Variants in CRB1 observed in about 807,000 individuals in gnomAD.
The protein encoded by CRB1 is protein crumbs homolog 1.
In CRB1, 83 loss-of-function variants were observed where a neutral mutation model predicts 120.0. That is an observed-to-expected ratio of 0.69 (90% CI 0.58 to 0.83). The LOEUF (loss-of-function observed/expected upper bound fraction) is 0.83, where lower values mean the gene tolerates loss of function less well. Among genes scored for constraint, CRB1 ranks in the 40% least tolerant of loss-of-function variants. The pLI is 0.00. For synonymous variants in CRB1, 625 were observed against 612.5 expected, an observed-to-expected ratio of 1.02 and a Z score of -0.30; for missense variants, 1,699 against 1,687.6, an observed-to-expected ratio of 1.01 and a Z score of -0.12.
At chr1:197,389,187 A>T (rs1239022047) in intron 5 of CRB1, among the ~76,000 whole-genome samples, 2 of 152,128 alleles carry the variant, frequency 1.3e-5, no homozygotes, top group East Asian at 3.9e-4. Flanking sequence ...TTACCACATG[A>T]TTCCACAATT....
chr1:197,302,174 C>A (rs188794954), intron 1 of CRB1, among the ~76,000 whole-genome samples: 12 of 152,306 alleles, frequency 7.9e-5, no homozygotes, highest in Admixed American at 7.8e-4. Context: ...CTTCAGCAAC[C>A]ATCACCCTGA....
intron 5 of CRB1, among the ~76,000 whole-genome samples, chr1:197,378,267 A>C (rs1661752616): frequency 6.6e-6 from 1 of 152,206 alleles, no homozygotes; most frequent in Admixed American, 6.5e-5. Context: ...GATTTTTCAA[A>C]TTCGATCAAA....
In CRB1 at chr1:197,427,547, T is replaced by C. The variant is rs62636267; in HGVS notation, c.2222T>C (p.Met741Thr). 8 of 1,614,040 alleles carry C rather than the reference T, an allele frequency of 5.0e-6. No individual in the cohort carries two copies. Among genetic ancestry groups the C allele is most frequent in the Non-Finnish European group, 6.8e-6 (8 of 1,179,988 alleles). Reference sequence around the variant, plus strand: ...TATGGAGACACCATCAGCCTCTCCATGTTTGTCCGAACGCTTCAACCATCA... The same window carrying C: ...TATGGAGACACCATCAGCCTCTCCACGTTTGTCCGAACGCTTCAACCATCA... ...ESYGDTISLSMFVRTLQPSGL... is the reference protein window; with the variant it reads ...ESYGDTISLSTFVRTLQPSGL... The change falls in exon 7 of 12, where the codon ATG becomes ACG. Residue 741 changes from methionine (M) to threonine (T), a missense_variant. Met to Thr is a moderately conservative substitution (Grantham distance 81). Coordinates refer to ENST00000367400, the MANE Select transcript of CRB1 (RefSeq NM_201253.3).
At chr1:197,445,468 A>G (rs1415311923) in intron 11 of CRB1, among the ~76,000 whole-genome samples, 1 of 152,222 alleles carries the variant, frequency 6.6e-6, no homozygotes, top group East Asian at 1.9e-4. Context: ...ACTCTATGCC[A>G]GGAACTGTGA....
upstream of CRB1, among the ~76,000 whole-genome samples, chr1:197,267,107 G>C (rs915368337): frequency 1.3e-5 from 2 of 152,120 alleles, no homozygotes; most frequent in African/African-American, 4.8e-5. Flanking sequence ...AGATGACTCT[G>C]GGCACACAGA....
At chr1:197,457,359 T>G (rs1223372363) in intron 11 of CRB1, among the ~76,000 whole-genome samples, 1 of 152,256 alleles carries the variant, frequency 6.6e-6, no homozygotes, top group South Asian at 2.1e-4. Flanking sequence ...ATTTTATTGA[T>G]GAGAACTCAA....
intron 5 of CRB1, chr1:197,360,361 C>A (rs1660708583): frequency 6.6e-6 from 1 of 152,290 alleles, no homozygotes. Flanking sequence ...TCTTCTGCTG[C>A]AGCATGAAAT....
chr1:197,258,180 T>C, the CRB1 span, among the ~76,000 whole-genome samples: 1 of 152,214 alleles, frequency 6.6e-6, no homozygotes, highest in Non-Finnish European at 1.5e-5. Flanking sequence ...TATAATTGGA[T>C]TTTTTGTAAC....
chr1:197,331,969 T>C lies in CRB1; in HGVS notation c.652+2966T>C, dbSNP rs147858242. 8.0e-4 allele frequency among the ~76,000 whole-genome samples: 121 copies of C among 152,156 alleles called. 1 individual carries two copies. The East Asian group carries it at 0.021, about 27-fold the overall frequency. On this transcript the variant is annotated intron_variant, in intron 2 of 11. Coordinates refer to ENST00000367400, the MANE Select transcript of CRB1 (RefSeq NM_201253.3). ...GCCGGCAGATCACGAGGTCAGGAGATGGATACCACACTGGCCAACATGGTG... is the reference window on the plus strand; with the variant it reads ...GCCGGCAGATCACGAGGTCAGGAGACGGATACCACACTGGCCAACATGGTG...
Position 197,442,234 on chromosome 1 carries a change from T to C in CRB1, c.3947T>C (p.Leu1316Pro). The C allele has an allele frequency of 6.2e-7, 1 of 1,614,188 alleles. No homozygotes were observed. The highest frequency in any genetic ancestry group is 1.7e-5 in the Admixed American group (1 of 60,026). ...CVNGGLCQDLLNKFQCLCDVA... is the reference protein window; with the variant it reads ...CVNGGLCQDLPNKFQCLCDVA... ...AATGGAGGTCTGTGCCAGGACTTAC[T>C]CAACAAATTCCAGTGCCTCTGTGAT... is the stretch of plus-strand genomic sequence containing the variant. The change falls in exon 11 of 12, where the codon CTC becomes CCC. Residue 1316 changes from leucine to proline, a missense_variant. By Grantham distance (98) the Leu-to-Pro change is moderately conservative. Transcript: ENST00000367400.
Position 197,268,256 on chromosome 1 carries a change from C to T in CRB1, c.-157C>T. The T allele has an allele frequency of 2.9e-6, 2 of 691,724 alleles. No individual in the cohort carries two copies. The highest frequency in any genetic ancestry group is 1.5e-5 in the South Asian group (1 of 64,824). The allele number at this position is 691,724 out of a possible 1,614,324, so 42.8% of individuals were successfully genotyped here. On this transcript the variant is annotated 5_prime_UTR_variant, in exon 1 of 12. Transcript: ENST00000367400. The stretch of plus-strand genomic sequence containing the variant: ...ACAAACTGCATTTTGAATCTAAGTC[C>T]CTGTATTTTCTGTGAAGGAGCTGTA...
chr1:197,358,775 A>G (rs957314040), intron 5 of CRB1, among the ~76,000 whole-genome samples: 1 of 142,632 alleles, frequency 7.0e-6, no homozygotes, highest in South Asian at 2.7e-4. Flanking sequence ...CAAGTAATGA[A>G]TATCTCTTTT....
At chr1:197,252,299 C>T in the CRB1 span, among the ~76,000 whole-genome samples, 1 of 150,682 alleles carries the variant, frequency 6.6e-6, no homozygotes, top group South Asian at 2.1e-4. Context: ...AACATAAAAA[C>T]CTATTCCATT....
At chr1:197,232,932 C>G in the CRB1 span, among the ~76,000 whole-genome samples, 2 of 151,982 alleles carry the variant, frequency 1.3e-5, no homozygotes, top group Non-Finnish European at 2.9e-5. Context: ...AGGATCCTGG[C>G]TCATATACTG....
chr1:197,426,117 T>A (rs530708789), intron 6 of CRB1, among the ~76,000 whole-genome samples: 3 of 151,930 alleles, frequency 2.0e-5, no homozygotes, highest in Non-Finnish European at 4.4e-5. Flanking sequence ...TCTCTGCAAA[T>A]AGAAAGTCCA....
At chr1:197,232,255 A>G in the CRB1 span, among the ~76,000 whole-genome samples, 1 of 152,216 alleles carries the variant, frequency 6.6e-6, no homozygotes, top group Non-Finnish European at 1.5e-5. Flanking sequence ...TTGACATTCA[A>G]ATCTGCAAGA....
In CRB1 at chr1:197,285,049, G is replaced by C. The variant is rs115505895; in HGVS notation, c.70+16567G>C. Reference sequence around the variant, plus strand: ...AGGGATGATGGCAAGTCATGGTCTTGAGAGTCGTTGCTGAAATAGGCTATT... The same window carrying C: ...AGGGATGATGGCAAGTCATGGTCTTCAGAGTCGTTGCTGAAATAGGCTATT... On this transcript the variant is annotated intron_variant, in intron 1 of 11. Coordinates refer to ENST00000367400, the MANE Select transcript of CRB1 (RefSeq NM_201253.3). 2.3e-3 allele frequency among the ~76,000 whole-genome samples: 347 copies of C among 151,996 alleles called. 3 individuals are homozygous for C. The highest frequency in any genetic ancestry group is 8.0e-3 in the African/African-American group (332 of 41,518).
the CRB1 span, among the ~76,000 whole-genome samples, chr1:197,237,858 C>A: frequency 1.3e-5 from 2 of 151,902 alleles, no homozygotes; most frequent in Non-Finnish European, 1.5e-5. Context: ...TTGATTTCTG[C>A]TCTTTATTAT....
intron 1 of CRB1, among the ~76,000 whole-genome samples, chr1:197,314,948 T>C (rs1657757238): frequency 6.6e-6 from 1 of 152,202 alleles, no homozygotes; most frequent in Non-Finnish European, 1.5e-5. Flanking sequence ...TCTTCTCTGG[T>C]GCTCTGGCCT....
Sources: allele counts gnomAD v4.1 joint callset (sites outside exome capture counted in the v4.1 genomes callset), GRCh38; gene constraint gnomAD v4.1.1; transcripts MANE v1.5; gene names NCBI Gene and HGNC (gene_info 2026-07-23, HGNC 2026-07-21).